The following TMEM248 variants were observed in gnomAD, a reference collection of about 807,000 sequenced individuals.
The protein encoded by TMEM248 is UPF0458 protein C7orf42.
A neutral mutation model predicts 30.3 loss-of-function variants in TMEM248; 9 were observed. The ratio of observed to expected loss-of-function variants is 0.30; its 90% CI spans 0.18 to 0.52. TMEM248 has a LOEUF of 0.52. Among genes scored for constraint, TMEM248 ranks in the 20% least tolerant of loss-of-function variants. The pLI is 0.97. For synonymous variants in TMEM248, 184 were observed against 154.4 expected (o/e 1.19, Z -1.42); for missense variants, 338 against 403.3 (o/e 0.84, Z 1.39).
intron 1 of TMEM248, among the ~76,000 whole-genome samples, chr7:66,929,340 G>A (rs568798374): frequency 2.7e-5 from 4 of 150,720 alleles, no homozygotes; most frequent in South Asian, 4.2e-4. Flanking sequence ...GACGGTAGAC[G>A]TTATTATTGT....
chr7:66,930,782 C>T (rs1791643001), intron 1 of TMEM248: 1 of 152,588 alleles, frequency 6.6e-6, no homozygotes, highest in African/African-American at 2.4e-5. Flanking sequence ...TTACTAGGCT[C>T]AGGGTTTGTA....
At position 66,958,303 on chromosome 7, in the gene TMEM248, T is replaced by TGTAA. The variant is rs1170369026; in HGVS notation, c.*2784_*2787dup. The TGTAA allele has an allele frequency of 1.3e-5, 2 of 152,690 alleles. No homozygotes were observed. Among genetic ancestry groups the TGTAA allele is most frequent in the African/African-American group, 4.8e-5 (2 of 41,474 alleles). The allele number at this position is 152,690 out of a possible 1,614,324, so 9.5% of individuals were successfully genotyped here. On this transcript the variant is annotated 3_prime_UTR_variant, in exon 7 of 7. Coordinates refer to ENST00000341567, the MANE Select transcript of TMEM248 (RefSeq NM_017994.5). ...GACTTGAATCAGTTTTGATTCTATT[T>TGTAA]GTAAGTGTTTCTTGTCGTGAGGCAC...
Position 66,955,400 on chromosome 7 carries a change from G to A in TMEM248, c.925-102G>A, listed in dbSNP as rs972104439. 3.0e-6 allele frequency: 4 copies of A among 1,317,696 alleles called. No individual in the cohort carries two copies. In the African/African-American group the frequency reaches 5.9e-5, roughly 20 times the overall value. The allele number at this position is 1,317,696 out of a possible 1,614,324, so 81.6% of individuals were successfully genotyped here. The stretch of plus-strand genomic sequence containing the variant: ...TAGGGATTTAGTAACTTCACTGTCT[G>A]GTTGATATGTGCAATTAGTGTGGCA... On this transcript the variant is annotated intron_variant, in intron 6 of 6. Transcript: ENST00000341567.
In TMEM248 at chr7:66,954,470, C is replaced by T. The variant is rs570227650; in HGVS notation, c.925-1032C>T. Among the ~76,000 whole-genome samples the T allele has an allele frequency of 5.7e-4, 84 of 147,604 alleles. 1 individual carries two copies. In the South Asian group the frequency reaches 0.011, roughly 20 times the overall value. On this transcript the variant is annotated intron_variant, in intron 6 of 6. Coordinates refer to ENST00000341567, the MANE Select transcript of TMEM248 (RefSeq NM_017994.5). ...GTGCGATCGTAGCTCATGACTCAAT[C>T]ATAGTTCACTGCAGCCTTGACCTCC...
chr7:66,922,465 C>T lies in TMEM248; in HGVS notation c.-19+1004C>T, dbSNP rs1250821799. ...GGATTCTGACAGGAAATAGACCTGTCGCGCACCTAAGGTATACTTAGGTGT... is the reference window on the plus strand; with the variant it reads ...GGATTCTGACAGGAAATAGACCTGTTGCGCACCTAAGGTATACTTAGGTGT... On this transcript the variant is annotated intron_variant, in intron 1 of 6. Transcript: ENST00000341567. 2.6e-5 allele frequency among the ~76,000 whole-genome samples: 4 copies of T among 152,056 alleles called. No individual in the cohort carries two copies. In the East Asian group the frequency reaches 5.8e-4, roughly 22 times the overall value.
intron 6 of TMEM248, among the ~76,000 whole-genome samples, chr7:66,953,772 G>GT (rs1241315188): frequency 1.3e-5 from 2 of 151,596 alleles, no homozygotes; most frequent in African/African-American, 4.9e-5. Context: ...GTCCCACTAA[G>GT]TTTTTGCATT....
In TMEM248 at chr7:66,950,994, G is replaced by A. The variant is rs773149355; in HGVS notation, c.639G>A (p.Thr213=). The change falls in exon 5 of 7, where the codon ACG becomes ACA. Residue 213 remains threonine (T), a synonymous_variant. Transcript: ENST00000341567. Reference sequence around the variant, plus strand: ...TTCCTGACACGTACAGCAACGCCACGCTCTGGTACAAGATCTTCACAACTG... The same window carrying A: ...TTCCTGACACGTACAGCAACGCCACACTCTGGTACAAGATCTTCACAACTG... ...HCVPDTYSNA[T]LWYKIFTTAR... 16 of 1,610,060 alleles carry A rather than the reference G, an allele frequency of 9.9e-6. No homozygotes were observed. The highest frequency in any genetic ancestry group is 5.4e-5 in the African/African-American group (4 of 74,694).
chr7:66,941,890 A>T lies in TMEM248; in HGVS notation c.25A>T (p.Asn9Tyr). Reference protein sequence around the residue: MFSINPLENLKVYISSRPP... With the variant: MFSINPLEYLKVYISSRPP... ...AATGTTCAGCATCAACCCCCTGGAG[A>T]ACCTGAAGGTGTACATCAGCAGTCG... Residue 9 changes from asparagine to tyrosine, a missense_variant, in exon 2 of 7, where the codon AAC becomes TAC. Asn to Tyr is a moderately radical substitution (Grantham distance 143). Coordinates refer to ENST00000341567, the MANE Select transcript of TMEM248 (RefSeq NM_017994.5). The T allele has an allele frequency of 6.2e-7, 1 of 1,614,016 alleles. No individual in the cohort carries two copies. Among genetic ancestry groups the T allele is most frequent in the Non-Finnish European group, 8.5e-7 (1 of 1,179,964 alleles).
At chr7:66,944,864 A>T in intron 2 of TMEM248, 112 bp from the exon 3 acceptor site, 1 of 1,111,800 alleles carries the variant, frequency 9.0e-7, no homozygotes. Flanking sequence ...ATCAGCTCTG[A>T]ATTGTAGTTT....
intron 4 of TMEM248, 75 bp from the exon 5 acceptor site, chr7:66,950,877 G>T: frequency 7.9e-7 from 1 of 1,273,548 alleles, no homozygotes; most frequent in Non-Finnish European, 1.0e-6. Flanking sequence ...TGTTTTACCA[G>T]CTGCTGTGGG....
At chr7:66,953,574 T>C (rs1164084209) in intron 6 of TMEM248, among the ~76,000 whole-genome samples, 1 of 152,214 alleles carries the variant, frequency 6.6e-6, no homozygotes, top group East Asian at 1.9e-4. Context: ...TGTAAAATGG[T>C]ACAGTATTTG....
At chr7:66,938,511 C>CT (rs1420802867) in intron 1 of TMEM248, among the ~76,000 whole-genome samples, 2 of 151,918 alleles carry the variant, frequency 1.3e-5, no homozygotes, top group Non-Finnish European at 2.9e-5. Context: ...TTTTTCTTTT[C>CT]TTTTTGTTTT....
intron 1 of TMEM248, among the ~76,000 whole-genome samples, chr7:66,925,362 AAAG>A (rs879423469): frequency 3.3e-5 from 5 of 152,160 alleles, no homozygotes; most frequent in Non-Finnish European, 2.9e-5. Context: ...ATAACTCAAA[AAAG>A]AAAAAATATA....
At chr7:66,932,265 C>T (rs891277757) in intron 1 of TMEM248, among the ~76,000 whole-genome samples, 2 of 152,174 alleles carry the variant, frequency 1.3e-5, no homozygotes, top group Admixed American at 6.5e-5. Flanking sequence ...TAAGCATCTC[C>T]TCCCACACCT....
chr7:66,928,225 A>G (rs1791572837), intron 1 of TMEM248, among the ~76,000 whole-genome samples: 1 of 152,200 alleles, frequency 6.6e-6, no homozygotes, highest in African/African-American at 2.4e-5. Flanking sequence ...TGAAAAAAAA[A>G]GAAACTAAGT....
rs780166698 is a variant in TMEM248 at position 66,945,137 on chromosome 7, G to A, written c.321G>A (p.Ser107=). The A allele has an allele frequency of 1.9e-5, 30 of 1,614,056 alleles. No homozygotes were observed. Among genetic ancestry groups the A allele is most frequent in the Non-Finnish European group, 2.5e-5 (29 of 1,180,044 alleles). Residue 107 remains serine (S), a synonymous_variant, in exon 3 of 7, where the codon TCG becomes TCA. Coordinates refer to ENST00000341567, the MANE Select transcript of TMEM248 (RefSeq NM_017994.5). ...STQSPQALED[S]GPVNISVSIT... ...AGTCCCCCCAGGCCCTGGAGGACTCGGGCCCGGTGAATATCTCAGTCTCAA... is the reference window on the plus strand; with the variant it reads ...AGTCCCCCCAGGCCCTGGAGGACTCAGGCCCGGTGAATATCTCAGTCTCAA...
intron 3 of TMEM248, among the ~76,000 whole-genome samples, chr7:66,946,192 G>A (rs777845354): frequency 3.3e-5 from 5 of 151,922 alleles, no homozygotes; most frequent in Non-Finnish European, 7.4e-5. Flanking sequence ...AACCCAAGAC[G>A]TGGAGGTTGC....
At chr7:66,936,404 A>G (rs945439002) in intron 1 of TMEM248, among the ~76,000 whole-genome samples, 2 of 152,206 alleles carry the variant, frequency 1.3e-5, no homozygotes, top group Admixed American at 6.5e-5. Flanking sequence ...TAAGGGATAA[A>G]TCCCACTTGG....
intron 6 of TMEM248, among the ~76,000 whole-genome samples, chr7:66,954,156 C>G (rs1351585534): frequency 6.6e-6 from 1 of 151,250 alleles, no homozygotes; most frequent in East Asian, 1.9e-4. Flanking sequence ...GTTGTCCAGG[C>G]TAGTCTCGAA....
Sources: gnomAD v4.1 joint callset for allele counts (sites outside exome capture counted in the v4.1 genomes callset) on GRCh38, gnomAD v4.1.1 for gene constraint, MANE v1.5 for transcripts, NCBI Gene and HGNC (gene_info 2026-07-23, HGNC 2026-07-21) for gene names.